The following MYT1L variants were observed in gnomAD, a reference collection of about 807,000 sequenced individuals.
MYT1L encodes myelin transcription factor 1-like protein.
Under a neutral mutation model 126.7 loss-of-function variants are expected in MYT1L, and 12 were observed. The observed-to-expected ratio is 0.09, with a 90% confidence interval of 0.06 to 0.15. MYT1L has a LOEUF of 0.15. Among genes scored for constraint, MYT1L ranks in the 10% least tolerant of loss-of-function variants. The pLI is 1.00. For missense variants in MYT1L, 979 were observed against 1,585.2 expected (o/e 0.62, Z 6.49); for synonymous variants, 541 against 604.2 (o/e 0.90, Z 1.53).
chr2:2,051,214 C>A (rs953322190), intron 4 of MYT1L, among the ~76,000 whole-genome samples: 1 of 152,190 alleles, frequency 6.6e-6, no homozygotes, highest in African/African-American at 2.4e-5. Flanking sequence ...TACGTGACAA[C>A]TGAATAGTAT....
intron 1 of MYT1L, among the ~76,000 whole-genome samples, chr2:2,303,292 C>G (rs187692906): frequency 6.6e-6 from 1 of 152,138 alleles, no homozygotes; most frequent in Non-Finnish European, 1.5e-5. Context: ...CTTGGCGGGC[C>G]GAGCCCTGTA....
chr2:1,896,604 A>G (rs542791293), intron 14 of MYT1L, among the ~76,000 whole-genome samples: 27 of 152,336 alleles, frequency 1.8e-4, no homozygotes, highest in Non-Finnish European at 2.9e-4. Context: ...AAAACTTTGT[A>G]CCACATGTTC....
At chr2:1,923,778 C>T (rs926695501) in intron 9 of MYT1L, among the ~76,000 whole-genome samples, 1 of 151,954 alleles carries the variant, frequency 6.6e-6, no homozygotes, top group African/African-American at 2.4e-5. Context: ...CCTCAGGTTC[C>T]TGAGAGTCAG....
chr2:1,847,835 A>C (rs1042654412), intron 19 of MYT1L, among the ~76,000 whole-genome samples: 3 of 152,184 alleles, frequency 2.0e-5, no homozygotes, highest in Non-Finnish European at 4.4e-5. Context: ...CATCACAGCC[A>C]ATAAACATTT....
At chr2:1,804,958 C>T (rs1253170306) in intron 22 of MYT1L, among the ~76,000 whole-genome samples, 4 of 152,174 alleles carry the variant, frequency 2.6e-5, no homozygotes, top group African/African-American at 4.8e-5. Context: ...CCCCTGCCCC[C>T]ACTACCCGCC....
intron 3 of MYT1L, among the ~76,000 whole-genome samples, chr2:2,161,216 C>A: frequency 6.6e-6 from 1 of 152,092 alleles, no homozygotes; most frequent in South Asian, 2.1e-4. Flanking sequence ...CCATCTCAAA[C>A]AAAACAAAAC....
chr2:2,012,970 G>A (rs996117608), intron 4 of MYT1L, among the ~76,000 whole-genome samples: 8 of 152,090 alleles, frequency 5.3e-5, no homozygotes, highest in Non-Finnish European at 8.8e-5. Flanking sequence ...AAACTTTACC[G>A]CAAATATGTG....
chr2:1,865,881 C>T (rs1177628150), intron 18 of MYT1L, among the ~76,000 whole-genome samples: 1 of 152,216 alleles, frequency 6.6e-6, no homozygotes, highest in Admixed American at 6.5e-5. Flanking sequence ...CCCATCAGTC[C>T]CCTGAGCAAG....
intron 2 of MYT1L, among the ~76,000 whole-genome samples, chr2:2,218,239 T>C (rs1414946381): frequency 1.3e-5 from 2 of 152,186 alleles, no homozygotes; most frequent in East Asian, 1.9e-4. Flanking sequence ...AATGAGAGCA[T>C]ATGTCCATAC....
chr2:2,001,305 T>C (rs1299577928), intron 4 of MYT1L, among the ~76,000 whole-genome samples: 6 of 151,572 alleles, frequency 4.0e-5, no homozygotes, highest in Admixed American at 6.6e-5. Flanking sequence ...TTTCTAAAAT[T>C]TACCTTTGAC....
chr2:2,154,645 T>A (rs951578861), intron 3 of MYT1L, among the ~76,000 whole-genome samples: 1 of 151,932 alleles, frequency 6.6e-6, no homozygotes, highest in Non-Finnish European at 1.5e-5. Flanking sequence ...CATGAACACA[T>A]AGAGAGGAAC....
At chr2:1,911,038 G>A (rs1036801583) in intron 12 of MYT1L, among the ~76,000 whole-genome samples, 2 of 152,106 alleles carry the variant, frequency 1.3e-5, no homozygotes, top group African/African-American at 4.8e-5. Flanking sequence ...ATGCACAGAC[G>A]CTCACCCCAT....
At chr2:2,215,185 T>A (rs1372796339) in intron 2 of MYT1L, among the ~76,000 whole-genome samples, 1 of 152,152 alleles carries the variant, frequency 6.6e-6, no homozygotes, top group African/African-American at 2.4e-5. Context: ...TATAGAAAGA[T>A]GGTCGACTTA....
chr2:2,231,990 CCT>C (rs966852770), intron 2 of MYT1L, among the ~76,000 whole-genome samples: 4 of 152,130 alleles, frequency 2.6e-5, no homozygotes, highest in African/African-American at 7.2e-5. Context: ...ACTCAAAATA[CCT>C]AAAAATTGAT....
At chr2:2,097,039 C>T (rs776091884) in intron 3 of MYT1L, among the ~76,000 whole-genome samples, 1 of 152,136 alleles carries the variant, frequency 6.6e-6, no homozygotes, top group East Asian at 1.9e-4. Flanking sequence ...CTCTGTTCTG[C>T]CACCTCTTCC....
chr2:2,158,763 T>A (rs530892722), intron 3 of MYT1L, among the ~76,000 whole-genome samples: 3 of 151,062 alleles, frequency 2.0e-5, no homozygotes, highest in African/African-American at 7.3e-5. Context: ...AATATCAACA[T>A]GGAGGATTAG....
rs2043443763 is a variant in MYT1L at position 1,852,779 on chromosome 2, C to CA, written c.2712-1077dup. Among the ~76,000 whole-genome samples the CA allele has an allele frequency of 6.6e-6, 1 of 152,218 alleles. No homozygotes were observed. Among genetic ancestry groups the CA allele is most frequent in the South Asian group, 2.1e-4 (1 of 4,828 alleles). ...TAGTAGGAAGCATCAAAGCATACTC[C>CA]ATGCCCCTTCCCACCTCAGTGAGTA... is the stretch of plus-strand genomic sequence containing the variant. On this transcript the variant is annotated intron_variant, in intron 18 of 24. Coordinates refer to ENST00000647738, the MANE Select transcript of MYT1L (RefSeq NM_001303052.2). This position sits in a 1 kb window ranked among gnomAD's most constrained non-coding sequence, Gnocchi z 4.0.
rs11892787 is a variant in MYT1L, at chr2:2,229,056, A to G, written c.-421+55348T>C. On this transcript the variant is annotated intron_variant, in intron 2 of 24. Coordinates refer to ENST00000647738, the MANE Select transcript of MYT1L (RefSeq NM_001303052.2). ...GCCAGGTATTTTCTATGCCTTTACA[A>G]ATGTATCACTCTGTGTATACACATA... 6.8e-3 allele frequency among the ~76,000 whole-genome samples: 1,035 copies of G among 152,296 alleles called. 17 individuals are homozygous for G. Among genetic ancestry groups the G allele is most frequent in the African/African-American group, 0.024 (978 of 41,560 alleles).
intron 2 of MYT1L, among the ~76,000 whole-genome samples, chr2:2,216,186 A>G (rs746093400): frequency 6.6e-6 from 1 of 152,142 alleles, no homozygotes; most frequent in African/African-American, 2.4e-5. Flanking sequence ...TTTTCTTTAT[A>G]AATTACCCAG....
Sources: allele counts gnomAD v4.1 joint callset (sites outside exome capture counted in the v4.1 genomes callset), GRCh38; gene constraint gnomAD v4.1.1; non-coding constraint Gnocchi (gnomAD v3.1); transcripts MANE v1.5; gene names NCBI Gene and HGNC (gene_info 2026-07-23, HGNC 2026-07-21).